Variants in LRRC4C observed in about 807,000 individuals in gnomAD.
The protein encoded by LRRC4C is leucine rich repeat containing 4C.
In LRRC4C, 5 loss-of-function variants were observed where a neutral mutation model predicts 33.6. The ratio of observed to expected loss-of-function variants is 0.15; its 90% CI spans 0.08 to 0.31. The LOEUF is 0.31. Ranked by LOEUF, LRRC4C falls within the 10% of genes least tolerant of loss-of-function variation. LRRC4C has a pLI of 1.00. For synonymous variants in LRRC4C, 329 were observed against 302.0 expected (o/e 1.09, Z -0.93); for missense variants, 560 against 796.7 (o/e 0.70, Z 3.58).
intron 3 of LRRC4C, among the ~76,000 whole-genome samples, chr11:40,519,090 G>C (rs375583968): frequency 6.6e-6 from 1 of 152,090 alleles, no homozygotes; most frequent in Non-Finnish European, 1.5e-5. Context: ...GGGCCTGTTG[G>C]GGAGTGGGGA....
chr11:40,175,042 G>C (rs1860358168), intron 5 of LRRC4C, among the ~76,000 whole-genome samples: 1 of 152,170 alleles, frequency 6.6e-6, no homozygotes, highest in South Asian at 2.1e-4. Flanking sequence ...GTTAGAAAGA[G>C]AGACTACATG....
intron 1 of LRRC4C, among the ~76,000 whole-genome samples, chr11:41,327,284 A>G (rs1951151653): frequency 6.6e-6 from 1 of 152,162 alleles, no homozygotes; most frequent in Non-Finnish European, 1.5e-5. Flanking sequence ...TCTGTCAGAG[A>G]GCAGCGTGAG....
intron 3 of LRRC4C, among the ~76,000 whole-genome samples, chr11:40,603,266 T>C (rs1960216325): frequency 6.6e-6 from 1 of 152,180 alleles, no homozygotes; most frequent in Non-Finnish European, 1.5e-5. Flanking sequence ...CCAAAGGAAT[T>C]AGCATTTCAA....
chr11:41,261,566 T>G (rs1373204185), intron 1 of LRRC4C, among the ~76,000 whole-genome samples: 1 of 151,958 alleles, frequency 6.6e-6, no homozygotes, highest in Non-Finnish European at 1.5e-5. Context: ...GCCAGTGCAC[T>G]CTTGAGAAAA....
chr11:40,683,924 A>G (rs1219201456), intron 2 of LRRC4C, among the ~76,000 whole-genome samples: 1 of 152,216 alleles, frequency 6.6e-6, no homozygotes, highest in East Asian at 1.9e-4. Flanking sequence ...CATCACATCT[A>G]TGGGAACTTA....
At chr11:40,617,926 A>C (rs1014719541) in intron 3 of LRRC4C, among the ~76,000 whole-genome samples, 3 of 151,638 alleles carry the variant, frequency 2.0e-5, no homozygotes, top group Non-Finnish European at 3.0e-5. Flanking sequence ...TGAAATGAGG[A>C]ATCTGACTAT....
intron 2 of LRRC4C, among the ~76,000 whole-genome samples, chr11:40,653,046 A>G (rs1007587378): frequency 6.6e-6 from 1 of 152,172 alleles, no homozygotes; most frequent in Non-Finnish European, 1.5e-5. Flanking sequence ...TGTAAGTGTC[A>G]TGAGGCTTTC....
intron 1 of LRRC4C, among the ~76,000 whole-genome samples, chr11:41,271,124 T>TG (rs1949306247): frequency 1.3e-5 from 2 of 152,100 alleles, no homozygotes; most frequent in South Asian, 4.1e-4. Flanking sequence ...ACATATAATT[T>TG]GGGGGGACAC....
intron 3 of LRRC4C, among the ~76,000 whole-genome samples, chr11:40,501,589 C>T (rs1319453693): frequency 6.6e-6 from 1 of 152,190 alleles, no homozygotes; most frequent in East Asian, 1.9e-4. Context: ...GAAGCTACAG[C>T]CTGATCTGTA....
At chr11:41,453,031 A>G (rs568280454) in intron 1 of LRRC4C, among the ~76,000 whole-genome samples, 14 of 152,220 alleles carry the variant, frequency 9.2e-5, no homozygotes, top group Admixed American at 6.6e-4. Context: ...TTACAACACT[A>G]CAAGGTAAGA....
At chr11:40,996,193 G>A (rs957072858) in intron 1 of LRRC4C, among the ~76,000 whole-genome samples, 3 of 152,106 alleles carry the variant, frequency 2.0e-5, no homozygotes, top group Non-Finnish European at 4.4e-5. Flanking sequence ...GAGCATCAGA[G>A]GCATTAGGCA....
intron 4 of LRRC4C, among the ~76,000 whole-genome samples, chr11:40,278,793 T>C (rs1943283018): frequency 5.2e-3 from 1 of 192 alleles, no homozygotes. Context: ...ATGATAGATA[T>C]TAGTGGGTTT....
At chr11:40,665,325 A>ATATATATGT (rs1491445233) in intron 2 of LRRC4C, among the ~76,000 whole-genome samples, 2 of 13,452 alleles carry the variant, frequency 1.5e-4, no homozygotes, top group Admixed American at 2.2e-3. Flanking sequence ...AAAAAAAAAA[A>ATATATATGT]ATATATATAT....
intron 1 of LRRC4C, among the ~76,000 whole-genome samples, chr11:41,148,544 C>A (rs1413667508): frequency 6.6e-6 from 1 of 151,932 alleles, no homozygotes; most frequent in African/African-American, 2.4e-5. Flanking sequence ...TGGCACAGTT[C>A]TAGAGAATTG....
chr11:41,206,410 T>A (rs959844808), intron 1 of LRRC4C, among the ~76,000 whole-genome samples: 2 of 152,096 alleles, frequency 1.3e-5, no homozygotes, highest in Non-Finnish European at 2.9e-5. Flanking sequence ...AGTCTAATAT[T>A]CCAACACAAG....
chr11:40,752,769 G>A (rs547498398), intron 2 of LRRC4C, among the ~76,000 whole-genome samples: 1 of 152,120 alleles, frequency 6.6e-6, no homozygotes, highest in African/African-American at 2.4e-5. Context: ...GCCACTACTG[G>A]GAATTTATCC....
At chr11:41,004,362 T>C (rs1173456200) in intron 1 of LRRC4C, among the ~76,000 whole-genome samples, 2 of 152,116 alleles carry the variant, frequency 1.3e-5, no homozygotes, top group African/African-American at 4.8e-5. Flanking sequence ...CTTTTTTTGG[T>C]TGGTAGGAAG....
intron 1 of LRRC4C, among the ~76,000 whole-genome samples, chr11:41,358,032 T>A (rs1403820137): frequency 6.6e-6 from 1 of 152,074 alleles, no homozygotes; most frequent in African/African-American, 2.4e-5. Flanking sequence ...ATCAAGATAG[T>A]GTGATACTGG....
chr11:40,695,894 T>C (rs185801677), intron 2 of LRRC4C, among the ~76,000 whole-genome samples: 1 of 152,060 alleles, frequency 6.6e-6, no homozygotes, highest in East Asian at 1.9e-4. Context: ...TCATAGTCTT[T>C]TTTTCCATGA....
Sources: gnomAD v4.1 joint callset for allele counts (sites outside exome capture counted in the v4.1 genomes callset) on GRCh38, gnomAD v4.1.1 for gene constraint, MANE v1.5 for transcripts, NCBI Gene and HGNC (gene_info 2026-07-23, HGNC 2026-07-21) for gene names.